Variants in EML6 observed in about 807,000 individuals in gnomAD.
EML6 encodes the protein EMAP like 6, also known as echinoderm microtubule-associated protein-like 6.
EML6 carries 154 observed loss-of-function variants against 240.1 expected under a neutral mutation model. That is an observed-to-expected ratio of 0.64 (90% CI 0.56 to 0.73). The LOEUF is 0.73. Ranked by LOEUF, EML6 falls within the 30% of genes least tolerant of loss-of-function variation. EML6 has a pLI of 0.00. For missense variants in EML6, 2,964 were observed against 2,474.6 expected (o/e 1.20, Z -4.20); for synonymous variants, 1,148 against 899.0 (o/e 1.28, Z -4.95).
chr2:54,776,910 G>A (rs1018844525), intron 2 of EML6, among the ~76,000 whole-genome samples: 1 of 152,048 alleles, frequency 6.6e-6, no homozygotes. Context: ...CTTATGTCTT[G>A]TTTTCTCTAA....
intron 36 of EML6, 40 bp downstream of exon 36, chr2:54,962,751 G>C: frequency 7.0e-7 from 1 of 1,422,494 alleles, no homozygotes; most frequent in Non-Finnish European, 9.2e-7. Context: ...CCCACGAGTG[G>C]GCTGCGCGGC....
intron 31 of EML6, among the ~76,000 whole-genome samples, chr2:54,953,062 A>G (rs1676060028): frequency 6.6e-6 from 1 of 152,140 alleles, no homozygotes; most frequent in Admixed American, 6.5e-5. Context: ...TGCCCTGGGA[A>G]ACTGCCGGTG....
chr2:54,968,760 C>G lies in EML6; in HGVS notation c.5844C>G (p.Asp1948Glu), dbSNP rs751368765. 2 of 1,527,890 alleles carry G rather than the reference C, an allele frequency of 1.3e-6. No homozygotes were observed. The highest frequency in any genetic ancestry group is 1.2e-5 in the South Asian group (1 of 83,570). 94.6% of individuals were successfully genotyped at this position (1,527,890 alleles called of 1,614,324 possible). ...AGTATGTGGTCAGCACTGGAGGAGA[C>G]GACTGCAGGTACTAACGTAGCTGAC... ...DDKYVVSTGG[D>E]DCSVFVWRCL The change falls in exon 41 of 42, where the codon GAC becomes GAG. Residue 1948 changes from aspartate (D) to glutamate (E), a missense_variant. Coordinates refer to ENST00000356458, the MANE Select transcript of EML6 (RefSeq NM_001039753.4).
intron 17 of EML6, among the ~76,000 whole-genome samples, chr2:54,890,062 A>T (rs781746691): frequency 6.6e-6 from 1 of 152,190 alleles, no homozygotes; most frequent in Admixed American, 6.5e-5. Flanking sequence ...TTTCTACTGT[A>T]TTGGGTGTTG....
intron 39 of EML6, among the ~76,000 whole-genome samples, 177 bp from the exon 40 acceptor site, chr2:54,967,951 C>T (rs1304012214): frequency 1.3e-5 from 2 of 152,202 alleles, no homozygotes; most frequent in African/African-American, 2.4e-5. Context: ...CTGCTCACCT[C>T]CTGCCCTGCG....
chr2:54,749,088 G>T (rs1019205903), intron 2 of EML6, among the ~76,000 whole-genome samples: 4 of 152,174 alleles, frequency 2.6e-5, no homozygotes, highest in Non-Finnish European at 5.9e-5. Flanking sequence ...TTGACAAATT[G>T]CCTTTCAAAA....
At chr2:54,840,206 C>T (rs1025254419) in intron 7 of EML6, among the ~76,000 whole-genome samples, 10 of 152,194 alleles carry the variant, frequency 6.6e-5, no homozygotes, top group Non-Finnish European at 1.2e-4. Flanking sequence ...GCCAGACATG[C>T]TGTTGGAGGC....
intron 2 of EML6, among the ~76,000 whole-genome samples, chr2:54,790,309 G>T (rs1669364125): frequency 6.6e-6 from 1 of 152,042 alleles, no homozygotes; most frequent in Non-Finnish European, 1.5e-5. Context: ...TGTTTTCATT[G>T]ACATATTAGT....
At chr2:54,756,689 G>T (rs1020828596) in intron 2 of EML6, among the ~76,000 whole-genome samples, 2 of 151,866 alleles carry the variant, frequency 1.3e-5, no homozygotes, top group Non-Finnish European at 2.9e-5. Context: ...TTCTTAAAAG[G>T]TAGGATTTCT....
chr2:54,752,842 G>C (rs35542865), intron 2 of EML6, among the ~76,000 whole-genome samples: 5 of 152,162 alleles, frequency 3.3e-5, no homozygotes, highest in Admixed American at 3.3e-4. Flanking sequence ...AGGCTGGAGT[G>C]CAGTGGCACG....
At chr2:54,734,640 T>C (rs183913610) in intron 2 of EML6, among the ~76,000 whole-genome samples, 1 of 152,266 alleles carries the variant, frequency 6.6e-6, no homozygotes, top group African/African-American at 2.4e-5. Context: ...GCTGGCACAG[T>C]GGCCAAGGTA....
intron 2 of EML6, among the ~76,000 whole-genome samples, chr2:54,729,693 C>G (rs1377497534): frequency 6.6e-6 from 1 of 152,132 alleles, no homozygotes; most frequent in African/African-American, 2.4e-5. Context: ...TATTGTGGTC[C>G]CTACAACTGT....
intron 22 of EML6, among the ~76,000 whole-genome samples, chr2:54,902,285 T>C (rs1477429979): frequency 6.6e-6 from 1 of 152,212 alleles, no homozygotes; most frequent in Non-Finnish European, 1.5e-5. Context: ...ACCCCACTTA[T>C]TTTTTGGAAA....
chr2:54,821,068 C>A (rs1668312600), intron 5 of EML6, among the ~76,000 whole-genome samples: 2 of 152,010 alleles, frequency 1.3e-5, no homozygotes, highest in Admixed American at 6.6e-5. Flanking sequence ...TTCTCCTGAC[C>A]CCTGGGATAT....
chr2:54,853,757 A>G lies in EML6; in HGVS notation c.1559A>G (p.Asp520Gly). ...TGGCCCAAATACACTGAGGTTACTG[A>G]CATCAACTCAGTGGATGCGAATTAC... ...GIWPKYTEVT[D>G]INSVDANYNS... Residue 520 changes from aspartate to glycine, a missense_variant, in exon 11 of 42, where the codon GAC (aspartate) becomes GGC (glycine). Physicochemically the swap from Asp to Gly is moderately conservative, Grantham distance 94. Transcript: ENST00000356458. 1 of 1,551,332 alleles carries G rather than the reference A, an allele frequency of 6.4e-7. No homozygotes were observed. Among genetic ancestry groups the G allele is most frequent in the Non-Finnish European group, 8.7e-7 (1 of 1,146,654 alleles).
chr2:54,816,926 T>TC (rs1558574647), intron 4 of EML6, 41 bp downstream of exon 4: 1 of 1,279,356 alleles, frequency 7.8e-7, no homozygotes, highest in South Asian at 1.3e-5. Context: ...TTTCAGAACT[T>TC]GGGGGGACTT....
At chr2:54,795,489 G>C (rs764625894) in intron 2 of EML6, among the ~76,000 whole-genome samples, 4 of 152,164 alleles carry the variant, frequency 2.6e-5, no homozygotes, top group Non-Finnish European at 5.9e-5. Context: ...ATATCAGTGA[G>C]TCTCATCAAA....
chr2:54,827,028 C>T (rs886979288), intron 5 of EML6, among the ~76,000 whole-genome samples: 8 of 152,088 alleles, frequency 5.3e-5, no homozygotes, highest in African/African-American at 1.9e-4. Flanking sequence ...CAAAAATTAG[C>T]TGAGCTTGGT....
intron 27 of EML6, 46 bp from the exon 28 acceptor site, chr2:54,928,579 G>A (rs898768579): frequency 5.8e-6 from 9 of 1,551,772 alleles, no homozygotes; most frequent in Non-Finnish European, 7.8e-6. Flanking sequence ...CCCTTCCTGG[G>A]CCACTGCAAA....
Sources: allele counts gnomAD v4.1 joint callset (sites outside exome capture counted in the v4.1 genomes callset), GRCh38; gene constraint gnomAD v4.1.1; transcripts MANE v1.5; gene names NCBI Gene and HGNC (gene_info 2026-07-23, HGNC 2026-07-21).